The following DYNC1I1 variants were observed in gnomAD, a reference collection of about 807,000 sequenced individuals.
The protein encoded by DYNC1I1 is cytoplasmic dynein 1 intermediate chain 1.
In DYNC1I1, 43 loss-of-function variants were observed where a neutral mutation model predicts 86.6. That is an observed-to-expected ratio of 0.50 (90% confidence interval 0.39 to 0.64). DYNC1I1 has a LOEUF of 0.64. DYNC1I1 is among the 30% of genes least tolerant of loss of function. The pLI, the probability that DYNC1I1 is intolerant of heterozygous loss-of-function variation, is 0.00. For missense variants in DYNC1I1, 604 were observed against 788.8 expected, an observed-to-expected ratio of 0.77 and a Z score of 2.81; for synonymous variants, 262 against 283.7, an observed-to-expected ratio of 0.92 and a Z score of 0.77.
chr7:95,982,151 A>T (rs536926375), intron 7 of DYNC1I1, among the ~76,000 whole-genome samples: 5 of 152,262 alleles, frequency 3.3e-5, no homozygotes. Flanking sequence ...TTGTTTATTT[A>T]ATCAAAAATT....
rs928784121 is a variant in DYNC1I1 at position 95,955,442 on chromosome 7, C to T, written c.491-22070C>T. Among the ~76,000 whole-genome samples the T allele has an allele frequency of 3.9e-5, 6 of 151,938 alleles. No homozygotes were observed. In the South Asian group the frequency reaches 8.3e-4, roughly 21 times the overall value. Reference sequence around the variant, plus strand: ...GGTGCAAGCAATTCTCCCACCTCTCCGGAGTTAGCTGGGACTACACACTTA... The same window carrying T: ...GGTGCAAGCAATTCTCCCACCTCTCTGGAGTTAGCTGGGACTACACACTTA... On this transcript the variant is annotated intron_variant, in intron 6 of 16. Coordinates refer to ENST00000447467, the MANE Select transcript of DYNC1I1 (RefSeq NM_001135556.2).
intron 6 of DYNC1I1, among the ~76,000 whole-genome samples, chr7:95,970,201 A>G (rs558023980): frequency 3.9e-5 from 6 of 152,238 alleles, no homozygotes; most frequent in African/African-American, 1.4e-4. Flanking sequence ...CTAAATTCAC[A>G]GTCTGATTCA....
intron 6 of DYNC1I1, among the ~76,000 whole-genome samples, chr7:95,941,611 G>A (rs536920777): frequency 6.6e-6 from 1 of 152,354 alleles, no homozygotes; most frequent in East Asian, 1.9e-4. Context: ...CGAGCCAGGT[G>A]CAGGATATAA....
At chr7:95,850,869 G>A (rs1045698530) in intron 5 of DYNC1I1, among the ~76,000 whole-genome samples, 5 of 152,092 alleles carry the variant, frequency 3.3e-5, no homozygotes, top group Non-Finnish European at 5.9e-5. Context: ...CAAATTGCCA[G>A]CATCACTACT....
intron 6 of DYNC1I1, among the ~76,000 whole-genome samples, chr7:95,892,292 C>G (rs904218798): frequency 6.6e-6 from 1 of 151,358 alleles, no homozygotes; most frequent in Non-Finnish European, 1.5e-5. Context: ...ACACACTGGC[C>G]CACGCCACCA....
At chr7:95,865,351 C>A (rs1562927109) in intron 5 of DYNC1I1, among the ~76,000 whole-genome samples, 1 of 152,116 alleles carries the variant, frequency 6.6e-6, no homozygotes, top group African/African-American at 2.4e-5. Context: ...CCGTGTCAAC[C>A]AGGACATACA....
At chr7:95,817,052 G>C (rs1356220093) in intron 4 of DYNC1I1, among the ~76,000 whole-genome samples, 1 of 152,024 alleles carries the variant, frequency 6.6e-6, no homozygotes, top group Non-Finnish European at 1.5e-5. Flanking sequence ...TTCCTTGAAA[G>C]TAGGGACTAA....
At chr7:95,804,352 C>A in intron 1 of DYNC1I1, 1 of 1,276,864 alleles carries the variant, frequency 7.8e-7, no homozygotes, top group South Asian at 1.3e-5. Flanking sequence ...CCATTATCAT[C>A]TAAATTGGAA....
intron 14 of DYNC1I1, among the ~76,000 whole-genome samples, chr7:96,044,685 G>A (rs544740453): frequency 2.8e-4 from 42 of 152,246 alleles, no homozygotes; most frequent in Non-Finnish European, 4.4e-4. Flanking sequence ...GTGTGTGTCC[G>A]TGTGTAGAGT....
At chr7:95,977,170 A>C (rs574097825) in intron 6 of DYNC1I1, among the ~76,000 whole-genome samples, 1 of 152,314 alleles carries the variant, frequency 6.6e-6, no homozygotes, top group African/African-American at 2.4e-5. Context: ...CCAGGTGGAA[A>C]CATTTTAAAA....
chr7:95,986,028 G>GTGTGTGTGTGTGTGTGTA (rs2115692887), intron 8 of DYNC1I1, among the ~76,000 whole-genome samples: 1 of 103,744 alleles, frequency 9.6e-6, no homozygotes, highest in East Asian at 2.1e-4. Flanking sequence ...CAGGACGTGT[G>GTGTGTGTGTGTGTGTGTA]TGTGTGTGTG....
intron 2 of DYNC1I1, among the ~76,000 whole-genome samples, chr7:95,810,184 A>G (rs1201742224): frequency 6.6e-6 from 1 of 152,172 alleles, no homozygotes; most frequent in Non-Finnish European, 1.5e-5. Context: ...GAAGCAGGAA[A>G]AAGCCTTCAG....
At chr7:95,785,806 TATATATATATATTA>T (rs1562891701) in intron 1 of DYNC1I1, among the ~76,000 whole-genome samples, 1 of 103,136 alleles carries the variant, frequency 9.7e-6, no homozygotes, top group African/African-American at 3.2e-5. Flanking sequence ...TATATATATA[TATATATATATATTA>T]TATATAACAG....
In DYNC1I1 at chr7:95,810,393, C is replaced by T; in HGVS notation, c.110C>T (p.Ala37Val). The T allele has an allele frequency of 6.2e-7, 1 of 1,606,114 alleles. No homozygotes were observed. The highest frequency in any genetic ancestry group is 8.5e-7 in the Non-Finnish European group (1 of 1,176,466). ...TTTCTTACTGACGTCTACTTCTAGG[C>T]TGATATGCAGCAGAAGAAAGAACCC... Reference protein sequence around the residue: ...RKEEERKKKEADMQQKKEPVQ... With the variant: ...RKEEERKKKEVDMQQKKEPVQ... Residue 37 changes from alanine (A) to valine (V), a missense_variant and splice_region_variant, in exon 3 of 17, where the codon GCT (alanine) becomes GTT (valine). Coordinates refer to ENST00000447467, the MANE Select transcript of DYNC1I1 (RefSeq NM_001135556.2).
At chr7:95,807,756 T>C (rs1794735572) in intron 2 of DYNC1I1, among the ~76,000 whole-genome samples, 1 of 152,168 alleles carries the variant, frequency 6.6e-6, no homozygotes, top group African/African-American at 2.4e-5. Context: ...GAAAGCTGCC[T>C]CTGATACCTT....
intron 6 of DYNC1I1, among the ~76,000 whole-genome samples, chr7:95,894,365 G>A (rs1447556129): frequency 6.6e-6 from 1 of 151,754 alleles, no homozygotes; most frequent in Non-Finnish European, 1.5e-5. Context: ...TCTCTCTAGG[G>A]TCTCTTTATA....
downstream of DYNC1I1, among the ~76,000 whole-genome samples, chr7:96,098,833 A>G (rs1481416915): frequency 6.6e-6 from 1 of 152,228 alleles, no homozygotes; most frequent in African/African-American, 2.4e-5. Context: ...TTTTATGCCC[A>G]GGGAAAATGA....
chr7:95,901,341 G>A (rs1192231195), intron 6 of DYNC1I1, among the ~76,000 whole-genome samples: 1 of 152,220 alleles, frequency 6.6e-6, no homozygotes, highest in Non-Finnish European at 1.5e-5. Flanking sequence ...ACAGGCTGTA[G>A]TAAAAGGGAC....
intron 6 of DYNC1I1, among the ~76,000 whole-genome samples, chr7:95,942,353 C>T (rs1039091437): frequency 6.6e-6 from 1 of 152,178 alleles, no homozygotes; most frequent in African/African-American, 2.4e-5. Flanking sequence ...AGACCAATAG[C>T]AGGCTCTGAA....
Sources: allele counts gnomAD v4.1 joint callset (sites outside exome capture counted in the v4.1 genomes callset), GRCh38; gene constraint gnomAD v4.1.1; transcripts MANE v1.5; gene names NCBI Gene and HGNC (gene_info 2026-07-23, HGNC 2026-07-21).